The following ATP6V1H variants were observed in gnomAD, a reference collection of about 807,000 sequenced individuals.
ATP6V1H encodes the protein ATPase H+ transporting V1 subunit H.
In ATP6V1H, 39 loss-of-function variants were observed where a neutral mutation model predicts 71.7. The ratio of observed to expected loss-of-function variants is 0.54; its 90% CI spans 0.42 to 0.71. ATP6V1H has a LOEUF of 0.71. Among genes scored for constraint, ATP6V1H ranks in the 30% least tolerant of loss-of-function variants. The pLI is 0.00. For missense variants in ATP6V1H, 509 were observed against 594.9 expected, an observed-to-expected ratio of 0.86 and a Z score of 1.50; for synonymous variants, 192 against 199.3, an observed-to-expected ratio of 0.96 and a Z score of 0.31.
chr8:53,760,075 T>TAA (rs767890993), intron 11 of ATP6V1H, among the ~76,000 whole-genome samples: 5 of 152,196 alleles, frequency 3.3e-5, no homozygotes, highest in Non-Finnish European at 5.9e-5. Flanking sequence ...AGGGGGTTGT[T>TAA]AAGCTGCCAC....
intron 12 of ATP6V1H, among the ~76,000 whole-genome samples, chr8:53,746,369 A>C (rs1807603312): frequency 6.6e-6 from 1 of 151,962 alleles, no homozygotes; most frequent in African/African-American, 2.4e-5. Context: ...GGCTCAAGCA[A>C]TTCTCCTGCC....
intron 12 of ATP6V1H, among the ~76,000 whole-genome samples, chr8:53,747,741 C>T (rs1807657929): frequency 6.6e-6 from 1 of 151,962 alleles, no homozygotes; most frequent in East Asian, 2.0e-4. Flanking sequence ...CAGGGTTCCA[C>T]CATACTGGCC....
intron 12 of ATP6V1H, among the ~76,000 whole-genome samples, chr8:53,750,686 C>T (rs894922457): frequency 6.6e-6 from 1 of 151,946 alleles, no homozygotes; most frequent in Non-Finnish European, 1.5e-5. Context: ...GAGAAAAGGA[C>T]AAAACTGCAA....
intron 11 of ATP6V1H, among the ~76,000 whole-genome samples, chr8:53,768,595 T>G (rs1235691567): frequency 1.3e-5 from 2 of 152,124 alleles, no homozygotes; most frequent in East Asian, 3.8e-4. Flanking sequence ...CGGAAAATCA[T>G]TCAACCATAA....
intron 3 of ATP6V1H, among the ~76,000 whole-genome samples, chr8:53,830,954 A>G (rs1264882048): frequency 6.6e-6 from 1 of 152,210 alleles, no homozygotes; most frequent in African/African-American, 2.4e-5. Context: ...GACATCACAA[A>G]GGAAAGGAAG....
At position 53,743,600 on chromosome 8, in the gene ATP6V1H, C is replaced by G. The variant is rs759634117; in HGVS notation, c.1368G>C (p.Val456=). 1.2e-6 allele frequency: 2 copies of G among 1,613,776 alleles called. No individual in the cohort carries two copies. The highest frequency in any genetic ancestry group is 1.7e-6 in the Non-Finnish European group (2 of 1,179,942). ...ACCAGTTGTGCACCATGAGCTTCTG[C>G]ACGGCCAGCAGAGCATTATAGCGGA... ...QQVRYNALLA[V]QKLMVHNWEY... The change falls in exon 13 of 14, where the codon GTG becomes GTC. Residue 456 remains valine, a synonymous_variant. Transcript: ENST00000359530.
At chr8:53,779,625 T>A (rs1486858111) in intron 9 of ATP6V1H, among the ~76,000 whole-genome samples, 1 of 151,840 alleles carries the variant, frequency 6.6e-6, no homozygotes, top group Non-Finnish European at 1.5e-5. Flanking sequence ...AAACAAATTA[T>A]TTTCTGAGAG....
chr8:53,793,529 C>T (rs1038531069), intron 9 of ATP6V1H, among the ~76,000 whole-genome samples: 1 of 151,904 alleles, frequency 6.6e-6, no homozygotes, highest in African/African-American at 2.4e-5. Context: ...CCTATAGTCC[C>T]AGCTACTTGG....
chr8:53,804,219 C>T (rs931339052), intron 7 of ATP6V1H, among the ~76,000 whole-genome samples: 2 of 152,140 alleles, frequency 1.3e-5, no homozygotes, highest in African/African-American at 4.8e-5. Flanking sequence ...CCTTCAATTA[C>T]GCAAAGTAGA....
chr8:53,838,396 G>A (rs1285674238), intron 2 of ATP6V1H, among the ~76,000 whole-genome samples: 1 of 152,210 alleles, frequency 6.6e-6, no homozygotes, highest in Non-Finnish European at 1.5e-5. Context: ...TGGGATTACA[G>A]GCGTGAGCCA....
intron 4 of ATP6V1H, among the ~76,000 whole-genome samples, chr8:53,828,656 T>C (rs1810899268): frequency 6.6e-6 from 1 of 152,212 alleles, no homozygotes; most frequent in Non-Finnish European, 1.5e-5. Context: ...ATAAAGGACA[T>C]GATGACCCCT....
chr8:53,777,941 A>C (rs1203864099), intron 9 of ATP6V1H, among the ~76,000 whole-genome samples: 2 of 152,220 alleles, frequency 1.3e-5, no homozygotes, highest in Admixed American at 6.5e-5. Flanking sequence ...ATAAATATAA[A>C]ACACTGTTTT....
chr8:53,774,740 T>G (rs1808801454), intron 9 of ATP6V1H, among the ~76,000 whole-genome samples: 2 of 151,996 alleles, frequency 1.3e-5, no homozygotes, highest in Admixed American at 1.3e-4. Context: ...ATTTCTACTT[T>G]TACATATGGC....
At chr8:53,767,325 G>A (rs140411015) in intron 11 of ATP6V1H, among the ~76,000 whole-genome samples, 19 of 152,248 alleles carry the variant, frequency 1.2e-4, no homozygotes, top group Admixed American at 1.2e-3. Context: ...TGTTGGTGGA[G>A]GTAGAGGTAG....
intron 9 of ATP6V1H, 118 bp downstream of exon 9, chr8:53,795,529 C>T: frequency 1.1e-6 from 1 of 902,476 alleles, no homozygotes; most frequent in Non-Finnish European, 1.7e-6. Context: ...TTCACCAAGA[C>T]TCTATGGTTT....
intron 7 of ATP6V1H, among the ~76,000 whole-genome samples, chr8:53,803,770 T>C (rs1354993348): frequency 6.6e-6 from 1 of 152,124 alleles, no homozygotes; most frequent in Non-Finnish European, 1.5e-5. Flanking sequence ...CATTCCATAA[T>C]GAAAAAATAT....
intron 9 of ATP6V1H, among the ~76,000 whole-genome samples, chr8:53,787,188 C>A (rs777739019): frequency 3.5e-4 from 54 of 152,308 alleles, no homozygotes; most frequent in Non-Finnish European, 7.1e-4. Context: ...GGACTCACCC[C>A]AAAATTTAAA....
At chr8:53,823,198 T>G (rs1810717225) in intron 4 of ATP6V1H, among the ~76,000 whole-genome samples, 1 of 152,094 alleles carries the variant, frequency 6.6e-6, no homozygotes, top group South Asian at 2.1e-4. Context: ...GAATACATCT[T>G]CTCAAGGACA....
chr8:53,795,930 G>T, intron 8 of ATP6V1H, 91 bp from the exon 9 acceptor site: 1 of 1,150,724 alleles, frequency 8.7e-7, no homozygotes, highest in Non-Finnish European at 1.2e-6. Context: ...AATGGAACAG[G>T]TCTCTCTGAA....
Sources: allele counts gnomAD v4.1 joint callset (sites outside exome capture counted in the v4.1 genomes callset), GRCh38; gene constraint gnomAD v4.1.1; transcripts MANE v1.5; gene names NCBI Gene and HGNC (gene_info 2026-07-23, HGNC 2026-07-21).